Variants in KCTD16 observed in about 807,000 individuals in gnomAD.
The protein encoded by KCTD16 is potassium channel tetramerization domain containing 16.
Under a neutral mutation model 33.2 loss-of-function variants are expected in KCTD16, and 13 were observed. That is an observed-to-expected ratio of 0.39 (90% confidence interval 0.25 to 0.62). The LOEUF (loss-of-function observed/expected upper bound fraction) is 0.62, where lower values mean the gene tolerates loss of function less well. KCTD16 is among the 20% of genes least tolerant of loss of function. The pLI, the probability that KCTD16 is intolerant of heterozygous loss-of-function variation, is 0.50. For synonymous variants in KCTD16, 197 were observed against 195.3 expected (o/e 1.01, Z -0.07); for missense variants, 441 against 525.1 (o/e 0.84, Z 1.57).
intron 3 of KCTD16, among the ~76,000 whole-genome samples, chr5:144,286,717 A>C (rs1401570523): frequency 2.0e-5 from 3 of 152,192 alleles, no homozygotes; most frequent in African/African-American, 7.2e-5. Context: ...CCATGTCTCC[A>C]TGATTAATTT....
intron 3 of KCTD16, among the ~76,000 whole-genome samples, chr5:144,449,879 T>C (rs1753902677): frequency 6.6e-6 from 1 of 151,992 alleles, no homozygotes; most frequent in Admixed American, 6.6e-5. Context: ...TTTCTTGATG[T>C]TGGTCTTGGC....
intron 2 of KCTD16, chr5:144,205,671 G>T: frequency 2.5e-6 from 1 of 398,462 alleles, no homozygotes; most frequent in Non-Finnish European, 4.4e-6. Flanking sequence ...CCTTTCCAAA[G>T]ATTTCTTTTT....
intron 3 of KCTD16, among the ~76,000 whole-genome samples, chr5:144,463,997 T>C (rs1754261291): frequency 6.6e-6 from 1 of 152,244 alleles, no homozygotes; most frequent in Non-Finnish European, 1.5e-5. Flanking sequence ...TCGGCACAGC[T>C]GCTAAATTTT....
rs1308982458 is a variant in KCTD16, at chr5:144,421,962, ATAGGAAAATATTTGTC to A, written c.833-51695_833-51680del. Among the ~76,000 whole-genome samples the A allele has an allele frequency of 4.1e-4, 63 of 152,230 alleles. 1 individual carries two copies. The highest frequency in any genetic ancestry group is 1.8e-4 in the Non-Finnish European group (12 of 67,998). ...GTTGAATTAGCCATAAAGGCCCTAG[ATAGGAAAATATTTGTC>A]TACATGTGCAGTAGAACTTTAATAA... On this transcript the variant is annotated intron_variant, in intron 3 of 3. Coordinates refer to ENST00000512467, the MANE Select transcript of KCTD16 (RefSeq NM_020768.4).
At chr5:144,407,041 G>A (rs917284040) in intron 3 of KCTD16, among the ~76,000 whole-genome samples, 2 of 152,114 alleles carry the variant, frequency 1.3e-5, no homozygotes, top group Non-Finnish European at 2.9e-5. Context: ...CAAACAAGAA[G>A]AAGGCTTTTA....
chr5:144,209,848 G>A (rs1261205592), intron 3 of KCTD16, among the ~76,000 whole-genome samples: 2 of 143,954 alleles, frequency 1.4e-5, no homozygotes, highest in South Asian at 4.3e-4. Context: ...ATTTATATGT[G>A]TATATATATA....
At chr5:144,181,539 G>A (rs1486508580) in intron 2 of KCTD16, among the ~76,000 whole-genome samples, 2 of 152,166 alleles carry the variant, frequency 1.3e-5, no homozygotes, top group African/African-American at 2.4e-5. Flanking sequence ...ATCAGTGGAT[G>A]ATTGAATAAA....
intron 2 of KCTD16, among the ~76,000 whole-genome samples, chr5:144,188,788 G>A (rs967947854): frequency 6.6e-6 from 1 of 152,114 alleles, no homozygotes; most frequent in African/African-American, 2.4e-5. Context: ...ACCAAATGGG[G>A]CATTGTAATA....
At position 144,206,991 on chromosome 5, in the gene KCTD16, C is replaced by A. The variant is rs754440298; in HGVS notation, c.277C>A (p.Gln93Lys). The change falls in exon 3 of 4, where the codon CAG becomes AAG. Residue 93 changes from glutamine (Q) to lysine (K), a missense_variant. By Grantham distance (53) the Gln-to-Lys change is moderately conservative. Around this residue, in one of 3 missense-constraint regions of KCTD16, gnomAD observed 355 missense variants for 413.0 expected, o/e 0.86. Transcript: ENST00000512467. ...TATTCTGGACTATCTCAGGGACAGG[C>A]AGGTGGTCCTGCCTGATCACTTTCC... is the stretch of plus-strand genomic sequence containing the variant. ...RYILDYLRDR[Q>K]VVLPDHFPEK... 1 of 1,614,178 alleles carries A rather than the reference C, an allele frequency of 6.2e-7. No homozygotes were observed.
chr5:144,368,087 A>C (rs1751879398), intron 3 of KCTD16, among the ~76,000 whole-genome samples: 1 of 152,054 alleles, frequency 6.6e-6, no homozygotes, highest in Non-Finnish European at 1.5e-5. Flanking sequence ...AGCGTAAGTA[A>C]GTTGCACTCC....
chr5:144,182,965 G>A (rs1247198648), intron 2 of KCTD16, among the ~76,000 whole-genome samples: 1 of 151,672 alleles, frequency 6.6e-6, no homozygotes, highest in Non-Finnish European at 1.5e-5. Context: ...GATATGTTAA[G>A]TTGCTTACTT....
chr5:144,255,323 T>C (rs1754815502), intron 3 of KCTD16, among the ~76,000 whole-genome samples: 1 of 152,194 alleles, frequency 6.6e-6, no homozygotes, highest in African/African-American at 2.4e-5. Flanking sequence ...ATTGTATTGA[T>C]TTCAATTATT....
intron 3 of KCTD16, among the ~76,000 whole-genome samples, chr5:144,308,612 A>T (rs753236474): frequency 5.3e-5 from 8 of 152,094 alleles, no homozygotes; most frequent in Non-Finnish European, 2.9e-5. Flanking sequence ...GCCTTGACCT[A>T]TCATTTGTGG....
At chr5:144,419,970 C>T (rs1753172669) in intron 3 of KCTD16, among the ~76,000 whole-genome samples, 1 of 152,038 alleles carries the variant, frequency 6.6e-6, no homozygotes, top group African/African-American at 2.4e-5. Context: ...ACTCCTGAAG[C>T]AGAAGGCAAA....
intron 3 of KCTD16, among the ~76,000 whole-genome samples, chr5:144,444,392 A>G (rs1170860524): frequency 1.3e-5 from 2 of 152,098 alleles, no homozygotes; most frequent in African/African-American, 4.8e-5. Flanking sequence ...AATGCTCACC[A>G]CAAATCCCTA....
chr5:144,243,156 A>G (rs1185729821), intron 3 of KCTD16, among the ~76,000 whole-genome samples: 1 of 152,204 alleles, frequency 6.6e-6, no homozygotes, highest in Non-Finnish European at 1.5e-5. Flanking sequence ...TTTTCATCAC[A>G]TCATATCAAG....
chr5:144,468,820 T>A (rs1488446929), intron 3 of KCTD16, among the ~76,000 whole-genome samples: 6 of 152,120 alleles, frequency 3.9e-5, no homozygotes, highest in Non-Finnish European at 7.4e-5. Context: ...AGGCGGAAAA[T>A]TTGAAGTGTG....
At chr5:144,254,972 C>A (rs754893768) in intron 3 of KCTD16, among the ~76,000 whole-genome samples, 1 of 151,996 alleles carries the variant, frequency 6.6e-6, no homozygotes, top group African/African-American at 2.4e-5. Flanking sequence ...ACTATATTGT[C>A]CAGGCTGGTC....
At chr5:144,413,204 T>A (rs896906077) in intron 3 of KCTD16, among the ~76,000 whole-genome samples, 30 of 152,160 alleles carry the variant, frequency 2.0e-4, no homozygotes, top group African/African-American at 7.0e-4. Context: ...TGGGTCCTAA[T>A]CCAATATGAC....
Sources: gnomAD v4.1 joint callset for allele counts (sites outside exome capture counted in the v4.1 genomes callset) on GRCh38, gnomAD v4.1.1 for gene constraint, gnomAD v4.1.1 regional missense constraint, MANE v1.5 for transcripts, NCBI Gene and HGNC (gene_info 2026-07-23, HGNC 2026-07-21) for gene names.